Variants in STAG2 observed in about 807,000 individuals in gnomAD.
The protein encoded by STAG2 is cohesin subunit SA-2.
STAG2 carries 14 observed loss-of-function variants against 108.1 expected under a neutral mutation model. The observed-to-expected ratio is 0.13, with a 90% CI of 0.09 to 0.20. The LOEUF (loss-of-function observed/expected upper bound fraction) is 0.20. Among genes scored for constraint, STAG2 ranks in the 10% least tolerant of loss-of-function variants. STAG2 has a pLI of 1.00. For synonymous variants in STAG2, 307 were observed against 302.7 expected (o/e 1.01, Z -0.15); for missense variants, 440 against 940.9 (o/e 0.47, Z 6.96).
In STAG2 at chrX:124,063,707, T is replaced by C. The variant is rs5911742; in HGVS notation, c.1822-141T>C. The C allele has an allele frequency of 0.55, 256,601 of 465,865 alleles. 51,020 individuals carry two copies. Among genetic ancestry groups the C allele is most frequent in the Non-Finnish European group, 0.61 (167,512 of 273,769 alleles). The allele number at this position is 465,865 out of a possible 1,213,427, so 38.4% of individuals were successfully genotyped here. ...GATCAGTGTATTTATTTATCATGAT[T>C]AGAAAAGCACCTTAAAATGTACGCT... On this transcript the variant is annotated intron_variant, in intron 19 of 34. Transcript: ENST00000371145.
In STAG2 at chrX:124,037,523, G is replaced by A. The variant is rs201406127; in HGVS notation, c.289-4G>A. On this transcript the variant is annotated splice_polypyrimidine_tract_variant and splice_region_variant and intron_variant, in intron 5 of 34. Coordinates refer to ENST00000371145, the MANE Select transcript of STAG2 (RefSeq NM_001042750.2). ...ATGATTTTATTTTTTTCCCTCTGCT[G>A]TAGTCGGTGGTAGATGATTGGATAG... is the stretch of plus-strand genomic sequence containing the variant. 2.6e-6 allele frequency: 3 copies of A among 1,141,544 alleles called. No homozygotes were observed. The highest frequency in any genetic ancestry group is 3.2e-5 in the East Asian group (1 of 31,515). The allele number at this position is 1,141,544 out of a possible 1,213,427, so 94.1% of individuals were successfully genotyped here. A position where few individuals can be genotyped will look rare whatever the true frequency, so the allele number is the denominator to read the frequency against.
intron 1 of STAG2, among the ~76,000 whole-genome samples, chrX:124,006,919 T>C (rs189350055): frequency 1.6e-3 from 183 of 111,892 alleles, no homozygotes; most frequent in African/African-American, 5.7e-3. Context: ...CCTTCTCCTA[T>C]AGTATAAAGA....
At chrX:124,055,253 A>G (rs2058160511) in intron 13 of STAG2, among the ~76,000 whole-genome samples, 1 of 112,784 alleles carries the variant, frequency 8.9e-6, no homozygotes, top group African/African-American at 3.2e-5. Flanking sequence ...CACAACAGAA[A>G]ACCAAAAAGT....
intron 23 of STAG2, 90 bp from the exon 24 acceptor site, chrX:124,068,474 G>C: frequency 3.9e-6 from 2 of 518,840 alleles, no homozygotes; most frequent in African/African-American, 2.5e-5. Context: ...AAAGCTATGA[G>C]ATAATGTTTT....
chrX:124,070,600 G>T (rs1443011090), intron 24 of STAG2, among the ~76,000 whole-genome samples: 1 of 112,128 alleles, frequency 8.9e-6, no homozygotes, highest in Admixed American at 9.5e-5. Flanking sequence ...AAGCAGCCCT[G>T]TATCTGGTTA....
At chrX:124,078,891 C>T (rs752617844) in intron 27 of STAG2, among the ~76,000 whole-genome samples, 4 of 108,830 alleles carry the variant, frequency 3.7e-5, no homozygotes, top group African/African-American at 1.3e-4. Context: ...ATTGCTTGAA[C>T]CTCGTAGGTG....
intron 1 of STAG2, among the ~76,000 whole-genome samples, chrX:124,009,373 C>T (rs978584446): frequency 1.9e-5 from 2 of 107,371 alleles, no homozygotes; most frequent in Non-Finnish European, 3.8e-5. Flanking sequence ...CTAATGATAT[C>T]TGGTACCAGT....
At chrX:124,070,962 G>A (rs1603111763) in intron 24 of STAG2, among the ~76,000 whole-genome samples, 187 bp from the exon 25 acceptor site, 2 of 111,584 alleles carry the variant, frequency 1.8e-5, no homozygotes, top group Non-Finnish European at 3.8e-5. Context: ...ATAAGCATTC[G>A]TTGTTACATA....
At chrX:124,051,006 G>T (rs2058021220) in intron 11 of STAG2, 115 bp from the exon 12 acceptor site, 2 of 444,849 alleles carry the variant, frequency 4.5e-6, no homozygotes, top group Admixed American at 4.9e-5. Flanking sequence ...GAATGCTATG[G>T]TATGAAACAT....
intron 20 of STAG2, among the ~76,000 whole-genome samples, chrX:124,065,332 G>C (rs2058493243): frequency 8.9e-6 from 1 of 111,777 alleles, no homozygotes; most frequent in Admixed American, 9.5e-5. Context: ...GCAATTTTAT[G>C]TTTCCTGTAG....
chrX:124,058,517 A>T (rs1208464273), intron 15 of STAG2, among the ~76,000 whole-genome samples: 4 of 112,537 alleles, frequency 3.6e-5, no homozygotes, highest in Admixed American at 1.9e-4. Context: ...TATTAATTTT[A>T]AAGTTCAAAA....
chrX:124,058,011 C>A (rs769543349), intron 15 of STAG2, 34 bp downstream of exon 15: 3 of 999,082 alleles, frequency 3.0e-6, no homozygotes, highest in Non-Finnish European at 4.1e-6. Flanking sequence ...TACTTAGGTT[C>A]GAAAAATTTT....
chrX:123,998,333 ATTT>A (rs774285658), intron 1 of STAG2, among the ~76,000 whole-genome samples: 2 of 93,480 alleles, frequency 2.1e-5, no homozygotes, highest in African/African-American at 3.9e-5. Context: ...TGCCCAACTA[ATTT>A]TTTTTTTTTT....
chrX:124,003,925 A>G (rs935136883), intron 1 of STAG2, among the ~76,000 whole-genome samples: 1 of 111,235 alleles, frequency 9.0e-6, no homozygotes, highest in Admixed American at 9.6e-5. Context: ...TTTTTGATGT[A>G]TTTTAAAAAT....
chrX:124,083,206 T>TG (rs1569520177), intron 28 of STAG2, among the ~76,000 whole-genome samples: 2 of 107,044 alleles, frequency 1.9e-5, no homozygotes, highest in African/African-American at 3.4e-5. Flanking sequence ...GTGTGTGTGT[T>TG]TGTGTGTGTG....
At position 124,046,275 on chromosome X, in the gene STAG2, G is replaced by A. The variant is rs192751871; in HGVS notation, c.667+907G>A. Among the ~76,000 whole-genome samples the A allele has an allele frequency of 1.6e-4, 18 of 111,761 alleles. No homozygotes were observed. In the East Asian group the frequency reaches 3.9e-3, roughly 24 times the overall value. Reference sequence around the variant, plus strand: ...TCTATGATTAAAGATATGCTTCTACGTCCTTCATTATTAAAGAGAAAATGC... The same window carrying A: ...TCTATGATTAAAGATATGCTTCTACATCCTTCATTATTAAAGAGAAAATGC... On this transcript the variant is annotated intron_variant, in intron 8 of 34. Coordinates refer to ENST00000371145, the MANE Select transcript of STAG2 (RefSeq NM_001042750.2).
rs371499191 is a variant in STAG2 at position 124,025,029 on chromosome X, T to A, written c.45-811T>A. ...TTAAATCGGTCGGCTTCCATATGTT[T>A]GTGAGAAAATCCAGATTATACAAAC... On this transcript the variant is annotated intron_variant, in intron 3 of 34. Coordinates refer to ENST00000371145, the MANE Select transcript of STAG2 (RefSeq NM_001042750.2). Among the ~76,000 whole-genome samples the A allele has an allele frequency of 2.7e-5, 3 of 111,919 alleles. No individual in the cohort carries two copies. In the South Asian group the frequency reaches 1.1e-3, roughly 41 times the overall value.
chrX:124,066,010 G>A, intron 21 of STAG2, 64 bp downstream of exon 21: 1 of 1,027,701 alleles, frequency 9.7e-7, no homozygotes, highest in South Asian at 2.5e-5. Context: ...ATGTTTTGTG[G>A]GTTATGTTAA....
chrX:124,094,859 C>T (rs1161057873), intron 33 of STAG2, among the ~76,000 whole-genome samples: 1 of 111,222 alleles, frequency 9.0e-6, no homozygotes, highest in African/African-American at 3.3e-5. Flanking sequence ...TTTGGTGCCT[C>T]GAAAGGAATA....
Sources: allele counts gnomAD v4.1 joint callset (sites outside exome capture counted in the v4.1 genomes callset), GRCh38; gene constraint gnomAD v4.1.1; transcripts MANE v1.5; gene names NCBI Gene and HGNC (gene_info 2026-07-23, HGNC 2026-07-21).